The following PPP1R42 variants were observed in gnomAD, a reference collection of about 807,000 sequenced individuals.
The protein encoded by PPP1R42 is protein phosphatase 1 regulatory subunit 42, also known as leucine rich repeat containing 67.
In PPP1R42, 34 loss-of-function variants were observed where a neutral mutation model predicts 31.0. That is an observed-to-expected ratio of 1.10 (90% confidence interval 0.83 to 1.46). The LOEUF is 1.46. Among genes scored for constraint, PPP1R42 ranks in the 40% most tolerant of loss-of-function variants. The probability of loss-of-function intolerance (pLI) is 0.00; values close to 1 mark genes in which losing one functional copy is unlikely to be tolerated. For synonymous variants in PPP1R42, 103 were observed against 109.8 expected (o/e 0.94, Z 0.39); for missense variants, 268 against 303.0 (o/e 0.88, Z 0.86).
intron 1 of PPP1R42, among the ~76,000 whole-genome samples, chr8:67,027,263 A>T (rs1202525880): frequency 6.6e-6 from 1 of 152,204 alleles, no homozygotes; most frequent in East Asian, 1.9e-4. Context: ...TTGAAATGAC[A>T]TATTCTTAAT....
chr8:66,992,507 A>G (rs1172092928), intron 5 of PPP1R42, among the ~76,000 whole-genome samples: 1 of 152,202 alleles, frequency 6.6e-6, no homozygotes, highest in Non-Finnish European at 1.5e-5. Context: ...TCTTCCCCAT[A>G]ATGCATCAGC....
chr8:66,994,795 A>G (rs887704384), intron 5 of PPP1R42, among the ~76,000 whole-genome samples: 5 of 152,194 alleles, frequency 3.3e-5, no homozygotes, highest in African/African-American at 1.2e-4. Flanking sequence ...ATTAATTTTA[A>G]ATTTTGAATA....
Position 66,984,553 on chromosome 8 carries a change from C to T in PPP1R42, c.671-2373G>A, listed in dbSNP as rs189300880. 3.8e-5 allele frequency: 47 copies of T among 1,228,628 alleles called. No individual in the cohort carries two copies. In the African/African-American group the frequency reaches 4.6e-4, roughly 12 times the overall value. The allele number at this position is 1,228,628 out of a possible 1,614,324, so 76.1% of individuals were successfully genotyped here. On this transcript the variant is annotated intron_variant, in intron 6 of 7. Coordinates refer to ENST00000685739, the MANE Select transcript of PPP1R42 (RefSeq NM_001364910.1). ...GCTAAATTTCTAACTCCATCTCAAT[C>T]TTGAACTTCTTGGCTGGGGTGCTCA...
intron 6 of PPP1R42, chr8:66,985,302 T>C (rs943195220): frequency 2.4e-6 from 2 of 842,252 alleles, no homozygotes; most frequent in East Asian, 2.4e-5. Context: ...AAAAAAGGTA[T>C]TGGACTCCAT....
At chr8:66,977,913 C>T (rs1204380679) in intron 7 of PPP1R42, among the ~76,000 whole-genome samples, 1 of 152,142 alleles carries the variant, frequency 6.6e-6, no homozygotes, top group Non-Finnish European at 1.5e-5. Flanking sequence ...CCTCCAAAAG[C>T]ACTGGGATTA....
At chr8:66,996,169 G>C (rs1424846766) in intron 5 of PPP1R42, among the ~76,000 whole-genome samples, 1 of 152,134 alleles carries the variant, frequency 6.6e-6, no homozygotes, top group Non-Finnish European at 1.5e-5. Flanking sequence ...TTCCACCAAA[G>C]CCTCCCGAAT....
At chr8:66,984,857 G>GTGCTTC (rs1814955956) in intron 6 of PPP1R42, 1 of 1,587,712 alleles carries the variant, frequency 6.3e-7, no homozygotes, top group Non-Finnish European at 8.6e-7. Flanking sequence ...AGTTCCTTCT[G>GTGCTTC]TGCTTCCCTC....
chr8:67,024,256 G>A (rs1333042321), intron 1 of PPP1R42, among the ~76,000 whole-genome samples: 1 of 152,166 alleles, frequency 6.6e-6, no homozygotes, highest in Non-Finnish European at 1.5e-5. Flanking sequence ...GTTATGAAAT[G>A]TTTTTCTTTT....
chr8:67,014,273 G>A (rs1355919255), intron 3 of PPP1R42, among the ~76,000 whole-genome samples, 153 bp downstream of exon 3: 1 of 151,684 alleles, frequency 6.6e-6, no homozygotes, highest in African/African-American at 2.4e-5. Flanking sequence ...GGAATCATAT[G>A]GTTTTTTTTC....
chr8:66,995,732 T>A (rs575208859), intron 5 of PPP1R42, among the ~76,000 whole-genome samples: 2 of 152,162 alleles, frequency 1.3e-5, no homozygotes, highest in Non-Finnish European at 2.9e-5. Context: ...GTTAAAAAAT[T>A]AAAGTGAGAT....
intron 5 of PPP1R42, among the ~76,000 whole-genome samples, chr8:66,989,180 T>C (rs1203982856): frequency 1.3e-5 from 2 of 152,152 alleles, no homozygotes; most frequent in Non-Finnish European, 2.9e-5. Flanking sequence ...AATATTTGCA[T>C]GTTTTTATAG....
intron 1 of PPP1R42, among the ~76,000 whole-genome samples, chr8:67,018,114 T>TC (rs895563606): frequency 6.6e-6 from 1 of 150,952 alleles, no homozygotes; most frequent in Admixed American, 6.6e-5. Context: ...TATCTTTTTT[T>TC]CTTTTCTTTT....
intron 6 of PPP1R42, 68 bp downstream of exon 6, chr8:66,988,332 C>T: frequency 7.7e-7 from 1 of 1,291,760 alleles, no homozygotes. Flanking sequence ...TGAAAGCTTG[C>T]TGGTAAAATA....
chr8:67,016,702 T>A (rs1816025813), intron 2 of PPP1R42, among the ~76,000 whole-genome samples: 1 of 152,220 alleles, frequency 6.6e-6, no homozygotes. Context: ...TTTTGAGACG[T>A]AGTCTCACTT....
At chr8:66,983,501 T>C (rs1350212516) in intron 6 of PPP1R42, among the ~76,000 whole-genome samples, 1 of 152,136 alleles carries the variant, frequency 6.6e-6, no homozygotes, top group Non-Finnish European at 1.5e-5. Context: ...CTCTGCTTGA[T>C]AGATTTTTTC....
At chr8:67,003,596 C>T (rs113487109) in intron 5 of PPP1R42, among the ~76,000 whole-genome samples, 5,318 of 152,096 alleles carry the variant, frequency 0.035, 192 homozygotes, top group African/African-American at 0.08. Flanking sequence ...TTATGGAGGG[C>T]AATTCTGGTC....
At chr8:66,970,889 G>A (rs1377830460) in intron 7 of PPP1R42, 1 of 940,800 alleles carries the variant, frequency 1.1e-6, no homozygotes, top group East Asian at 2.6e-5. Context: ...CTAGGAGACA[G>A]ATTGGATGGC....
intron 7 of PPP1R42, among the ~76,000 whole-genome samples, chr8:66,972,985 A>C (rs995171469): frequency 6.6e-6 from 1 of 152,196 alleles, no homozygotes; most frequent in East Asian, 1.9e-4. Context: ...GCTGAAACTG[A>C]ACTTTCTCAT....
At chr8:66,990,750 C>T (rs1353007256) in intron 5 of PPP1R42, among the ~76,000 whole-genome samples, 2 of 152,186 alleles carry the variant, frequency 1.3e-5, no homozygotes, top group African/African-American at 4.8e-5. Flanking sequence ...ACCAACCGTC[C>T]TTACTAAATC....
Sources: gnomAD v4.1 joint callset for allele counts (sites outside exome capture counted in the v4.1 genomes callset) on GRCh38, gnomAD v4.1.1 for gene constraint, MANE v1.5 for transcripts, NCBI Gene and HGNC (gene_info 2026-07-23, HGNC 2026-07-21) for gene names.